The following PIGL variants were observed in gnomAD, a reference collection of about 807,000 sequenced individuals.
PIGL encodes N-acetylglucosaminyl-phosphatidylinositol de-N-acetylase.
A neutral mutation model predicts 31.1 loss-of-function variants in PIGL; 22 were observed. The ratio of observed to expected loss-of-function variants is 0.71; its 90% CI spans 0.51 to 1.01. The LOEUF (loss-of-function observed/expected upper bound fraction) is 1.01, where lower values mean the gene tolerates loss of function less well. PIGL is among the 50% of genes least tolerant of loss of function. PIGL has a pLI of 0.00. For missense variants in PIGL, 302 were observed against 315.9 expected (o/e 0.96, Z 0.33); for synonymous variants, 131 against 117.4 (o/e 1.12, Z -0.75).
chr17:16,324,987 T>G (rs534155612), intron 6 of PIGL, among the ~76,000 whole-genome samples: 50 of 152,256 alleles, frequency 3.3e-4, no homozygotes, highest in African/African-American at 1.2e-3. Flanking sequence ...TGTACTAGCT[T>G]TCTTCCCATG....
chr17:16,291,522 A>AAAGG (rs2092960586), intron 2 of PIGL, among the ~76,000 whole-genome samples: 8 of 63,616 alleles, frequency 1.3e-4, no homozygotes, highest in Middle Eastern at 8.3e-3. Context: ...AAAAAAAAAA[A>AAAGG]AAGAAAGAAA....
At chr17:16,255,639 G>C (rs766164740) in intron 2 of PIGL, among the ~76,000 whole-genome samples, 1 of 152,142 alleles carries the variant, frequency 6.6e-6, no homozygotes, top group Non-Finnish European at 1.5e-5. Flanking sequence ...GACTCAGTGA[G>C]AGCCTTCCCC....
chr17:16,227,578 C>CTTTTTTTTTTTTTTTTTT (rs57452229), intron 1 of PIGL, among the ~76,000 whole-genome samples: 8 of 103,194 alleles, frequency 7.8e-5, no homozygotes, highest in Non-Finnish European at 1.3e-4. Context: ...ATTTTCTTTT[C>CTTTTTTTTTTTTTTTTTT]TTTTTTTTTT....
chr17:16,240,223 C>T (rs548169954), intron 2 of PIGL, among the ~76,000 whole-genome samples: 2 of 152,230 alleles, frequency 1.3e-5, no homozygotes, highest in African/African-American at 4.8e-5. Flanking sequence ...TCCCCCTTTG[C>T]CTTCTGCCAT....
intron 1 of PIGL, among the ~76,000 whole-genome samples, chr17:16,223,783 T>C (rs961291162): frequency 8.6e-5 from 13 of 151,932 alleles, no homozygotes; most frequent in African/African-American, 1.7e-4. Context: ...GAAGGAAAGA[T>C]TGGAGTCAGG....
At chr17:16,234,989 TTACTA>T (rs1231201386) in intron 2 of PIGL, among the ~76,000 whole-genome samples, 1 of 152,178 alleles carries the variant, frequency 6.6e-6, no homozygotes, top group Non-Finnish European at 1.5e-5. Context: ...TATCGAGACT[TTACTA>T]TACAGTGCTT....
intron 2 of PIGL, among the ~76,000 whole-genome samples, chr17:16,290,000 T>A (rs2092953543): frequency 6.6e-6 from 1 of 152,072 alleles, no homozygotes; most frequent in Admixed American, 6.6e-5. Flanking sequence ...GGTCTCAAAC[T>A]CTCAACCTCA....
intron 2 of PIGL, 21 bp downstream of exon 2, chr17:16,234,091 G>A (rs761315707): frequency 7.3e-7 from 1 of 1,363,362 alleles, no homozygotes; most frequent in East Asian, 2.3e-5. Context: ...TTTTAACAAT[G>A]TAGAAATTTA....
chr17:16,219,650 C>T (rs917240117), intron 1 of PIGL, among the ~76,000 whole-genome samples: 9 of 152,104 alleles, frequency 5.9e-5, no homozygotes, highest in African/African-American at 1.9e-4. Context: ...TCACTGCAAC[C>T]TACGCCTCCT....
intron 6 of PIGL, among the ~76,000 whole-genome samples, chr17:16,325,448 TC>T (rs957019548): frequency 1.5e-4 from 23 of 151,800 alleles, no homozygotes; most frequent in African/African-American, 5.3e-4. Context: ...ACGAGTTTCC[TC>T]ATCTATTTAT....
rs572751415 is a variant in PIGL, at chr17:16,236,631, G to A, written c.335+2561G>A. 5.9e-5 allele frequency among the ~76,000 whole-genome samples: 9 copies of A among 151,668 alleles called. 1 individual carries two copies. In the Middle Eastern group the frequency reaches 0.014, roughly 232 times the overall value. Reference sequence around the variant, plus strand: ...TGCCCAGGCTGGAGTGCAGTGGTGCGATCTTGGCTCACTGTAGCCTCTGCC... The same window carrying A: ...TGCCCAGGCTGGAGTGCAGTGGTGCAATCTTGGCTCACTGTAGCCTCTGCC... On this transcript the variant is annotated intron_variant, in intron 2 of 6. Transcript: ENST00000225609.
In PIGL at chr17:16,220,477, G is replaced by GTTTTTTTTTTTTTTTTTTTTTTTTTTT. The variant is rs1171079537; in HGVS notation, c.235+3018_235+3019insTTTTTTTTTTTTTTTTTTTTTTTTTTT. Among the ~76,000 whole-genome samples, 4 of 70,054 alleles carry GTTTTTTTTTTTTTTTTTTTTTTTTTTT rather than the reference G, an allele frequency of 5.7e-5. 2 individuals carry two copies. The highest frequency in any genetic ancestry group is 2.0e-4 in the African/African-American group (4 of 20,004). 46.0% of individuals were successfully genotyped at this position (70,054 alleles called of 152,430 possible). On this transcript the variant is annotated intron_variant, in intron 1 of 6. Coordinates refer to ENST00000225609, the MANE Select transcript of PIGL (RefSeq NM_004278.4). The stretch of plus-strand genomic sequence containing the variant: ...TTCTTTATTTGTGTTTTTTTAAATT[G>GTTTTTTTTTTTTTTTTTTTTTTTTTTT]TTATTTTTTTTTTTTTTTTTTTTTT...
intron 2 of PIGL, among the ~76,000 whole-genome samples, chr17:16,296,336 GT>G (rs1201894341): frequency 6.6e-6 from 1 of 152,098 alleles, no homozygotes; most frequent in African/African-American, 2.4e-5. Context: ...TGGGGGCCAG[GT>G]GCAGTGGCTC....
intron 2 of PIGL, among the ~76,000 whole-genome samples, chr17:16,246,295 C>T (rs1022957231): frequency 1.3e-5 from 2 of 151,206 alleles, no homozygotes; most frequent in East Asian, 2.0e-4. Flanking sequence ...AGGTGGATCA[C>T]GAGGTCAAGA....
intron 2 of PIGL, among the ~76,000 whole-genome samples, chr17:16,292,854 C>T (rs1359667271): frequency 1.3e-5 from 2 of 152,136 alleles, no homozygotes; most frequent in African/African-American, 2.4e-5. Context: ...CTTCACAGAC[C>T]AAGAGGGCTT....
At position 16,317,900 on chromosome 17, in the gene PIGL, C is replaced by A. The variant is rs139004722; in HGVS notation, c.652C>A (p.Gln218Lys). The A allele has an allele frequency of 1.2e-6, 2 of 1,612,790 alleles. No individual in the cohort carries two copies. Among genetic ancestry groups the A allele is most frequent in the African/African-American group, 2.7e-5 (2 of 74,920 alleles). The change falls in exon 6 of 7, where the codon CAG (glutamine) becomes AAG (lysine). Residue 218 changes from glutamine (Q) to lysine (K), a missense_variant. Gln to Lys is a moderately conservative substitution (Grantham distance 53, BLOSUM62 1). Coordinates refer to ENST00000225609, the MANE Select transcript of PIGL (RefSeq NM_004278.4). ...CGTGCTCAACAGCAAAGAAGTGGCA[C>A]AGGCCAAGGTGAGGATTGTAAATTC... ...LFVLNSKEVA[Q>K]AKKAMSCHRS... is the part of the protein sequence containing the mutation.
chr17:16,262,155 A>C lies in PIGL; in HGVS notation c.335+28085A>C, dbSNP rs143688704. On this transcript the variant is annotated intron_variant, in intron 2 of 6. Transcript: ENST00000225609. The stretch of plus-strand genomic sequence containing the variant: ...GGAGAATCACTTGAACCCGGGAAGC[A>C]GAGGTTGCAGTGAGGCAAGATCACA... 3.9e-4 allele frequency among the ~76,000 whole-genome samples: 59 copies of C among 152,214 alleles called. No homozygotes were observed. In the East Asian group the frequency reaches 0.011, roughly 28 times the overall value.
At chr17:16,313,147 C>T (rs1277444648) in intron 3 of PIGL, among the ~76,000 whole-genome samples, 1 of 152,020 alleles carries the variant, frequency 6.6e-6, no homozygotes, top group African/African-American at 2.4e-5. Flanking sequence ...CTTTTTTTGC[C>T]CTCAGTATGG....
At chr17:16,217,620 G>C in intron 1 of PIGL, 159 bp downstream of exon 1, 1 of 603,284 alleles carries the variant, frequency 1.7e-6, no homozygotes, top group Non-Finnish European at 2.9e-6. Flanking sequence ...GGACAGGAGC[G>C]GCCGGCTTAC....
Sources: allele counts gnomAD v4.1 joint callset (sites outside exome capture counted in the v4.1 genomes callset), GRCh38; gene constraint gnomAD v4.1.1; transcripts MANE v1.5; gene names NCBI Gene and HGNC (gene_info 2026-07-23, HGNC 2026-07-21).